The following LYZ variants were observed in gnomAD, a reference collection of about 807,000 sequenced individuals.
LYZ encodes lysozyme C.
In LYZ, 18 loss-of-function variants were observed where a neutral mutation model predicts 15.8. That is an observed-to-expected ratio of 1.14 (90% confidence interval 0.79 to 1.69). LYZ has a LOEUF of 1.69. Among genes scored for constraint, LYZ ranks in the 40% most tolerant of loss-of-function variants. The probability of loss-of-function intolerance (pLI) is 0.00; values close to 1 mark genes in which losing one functional copy is unlikely to be tolerated. For synonymous variants in LYZ, 60 were observed against 61.7 expected (o/e 0.97, Z 0.13); for missense variants, 139 against 182.8 (o/e 0.76, Z 1.38).
chr12:69,352,821 A>C (rs1349763436), intron 3 of LYZ, among the ~76,000 whole-genome samples: 1 of 152,154 alleles, frequency 6.6e-6, no homozygotes, highest in Non-Finnish European at 1.5e-5. Context: ...GTTGCAGAGG[A>C]TTGCGCCATT....
Position 69,352,209 on chromosome 12 carries a change from C to G in LYZ, c.302-11C>G. 2.5e-6 allele frequency: 4 copies of G among 1,602,562 alleles called. No homozygotes were observed. The Admixed American group carries it at 6.7e-5, about 27-fold the overall frequency. On this transcript the variant is annotated splice_polypyrimidine_tract_variant and intron_variant, in intron 2 of 3. Transcript: ENST00000261267. ...TATTAAAGTTTTTATTCCTTACCAC[C>G]TGTCTTTCAGCTTTGCTGCAAGATA...
At position 69,353,583 on chromosome 12, in the gene LYZ, G is replaced by A. The variant is rs574532858; in HGVS notation, c.*364G>A. 30 of 267,300 alleles carry A rather than the reference G, an allele frequency of 1.1e-4. No homozygotes were observed. Among genetic ancestry groups the A allele is most frequent in the South Asian group, 7.4e-4 (20 of 27,076 alleles). 16.6% of individuals were successfully genotyped at this position (267,300 alleles called of 1,614,324 possible). ...GGCTCACTGCAACCTCCACCTCCCG[G>A]GTTCACGCCATTCTCCTGCCTCAGC... On this transcript the variant is annotated 3_prime_UTR_variant, in exon 4 of 4. Coordinates refer to ENST00000261267, the MANE Select transcript of LYZ (RefSeq NM_000239.3).
At chr12:69,351,264 C>G (rs1296633378) in intron 2 of LYZ, among the ~76,000 whole-genome samples, 1 of 151,670 alleles carries the variant, frequency 6.6e-6, no homozygotes, top group African/African-American at 2.4e-5. Context: ...ATGTGGAATC[C>G]TCAGTGTCAA....
chr12:69,351,127 C>A (rs1458983492), intron 2 of LYZ, among the ~76,000 whole-genome samples: 2 of 151,938 alleles, frequency 1.3e-5, no homozygotes, highest in Non-Finnish European at 2.9e-5. Flanking sequence ...TTTCTAAATT[C>A]TTTAGTTTAC....
chr12:69,351,076 TGAGA>T (rs1292897283), intron 2 of LYZ, among the ~76,000 whole-genome samples: 1 of 152,166 alleles, frequency 6.6e-6, no homozygotes, highest in Non-Finnish European at 1.5e-5. Flanking sequence ...TGGCTACTGC[TGAGA>T]GACTTTTAAG....
chr12:69,350,691 C>T (rs1013971676), intron 2 of LYZ, among the ~76,000 whole-genome samples: 2 of 138,688 alleles, frequency 1.4e-5, no homozygotes, highest in African/African-American at 5.6e-5. Flanking sequence ...GCCCATTATG[C>T]ACTTTAAAAG....
In LYZ at chr12:69,350,219, G is replaced by A; in HGVS notation, c.248G>A (p.Cys83Tyr). The A allele has an allele frequency of 6.2e-7, 1 of 1,614,134 alleles. No homozygotes were observed. Among genetic ancestry groups the A allele is most frequent in the Non-Finnish European group, 8.5e-7 (1 of 1,180,002 alleles). ...GIFQINSRYW[C>Y]NDGKTPGAVN... ...TTTCAGATCAATAGCCGCTACTGGT[G>A]TAATGATGGCAAAACCCCAGGAGCA... Residue 83 changes from cysteine to tyrosine, a missense_variant, in exon 2 of 4, where the codon TGT becomes TAT. Transcript: ENST00000261267.
At position 69,348,436 on chromosome 12, in the gene LYZ, GTCC is replaced by G; in HGVS notation, c.33_35del (p.Leu12del). The G allele has an allele frequency of 3.7e-6, 6 of 1,614,184 alleles. No individual in the cohort carries two copies. The highest frequency in any genetic ancestry group is 2.2e-5 in the East Asian group (1 of 44,884). ...GAAGGCTCTCATTGTTCTGGGGCTTGTCCTCCTTTCTGTTACGGTCCAGGGCAA... is the reference window on the plus strand; with the variant it reads ...GAAGGCTCTCATTGTTCTGGGGCTTGTCCTTTCTGTTACGGTCCAGGGCAA... On this transcript the variant is annotated inframe_deletion, in exon 1 of 4. Coordinates refer to ENST00000261267, the MANE Select transcript of LYZ (RefSeq NM_000239.3).
chr12:69,350,788 GGTTTT>G (rs1191642310), intron 2 of LYZ, among the ~76,000 whole-genome samples: 1 of 21,594 alleles, frequency 4.6e-5, no homozygotes, highest in Non-Finnish European at 1.0e-4. Context: ...TTTTTTGTTT[GGTTTT>G]GTTTTGTTTT....
Position 69,350,220 on chromosome 12 carries a change from T to C in LYZ, c.249T>C (p.Cys83=). ...GIFQINSRYW[C]NDGKTPGAVN... ...TTCAGATCAATAGCCGCTACTGGTGTAATGATGGCAAAACCCCAGGAGCAG... is the reference window on the plus strand; with the variant it reads ...TTCAGATCAATAGCCGCTACTGGTGCAATGATGGCAAAACCCCAGGAGCAG... Residue 83 remains cysteine, a synonymous_variant, in exon 2 of 4, where the codon TGT becomes TGC. Transcript: ENST00000261267. 1.2e-6 allele frequency: 2 copies of C among 1,614,172 alleles called. No homozygotes were observed. Among genetic ancestry groups the C allele is most frequent in the South Asian group, 2.2e-5 (2 of 91,088 alleles).
chr12:69,350,121 C>G lies in LYZ; in HGVS notation c.150C>G (p.Ala50=). ...GISLANWMCL[A]KWESGYNTRA... ...AGTTCTTTTCAGGGATGTGTTTGGC[C>G]AAATGGGAGAGTGGTTACAACACAC... The change falls in exon 2 of 4, where the codon GCC becomes GCG. Residue 50 remains alanine, a synonymous_variant. Transcript: ENST00000261267. The G allele has an allele frequency of 1.2e-6, 2 of 1,613,936 alleles. No homozygotes were observed. The highest frequency in any genetic ancestry group is 4.5e-5 in the East Asian group (2 of 44,866).
chr12:69,353,519 C>T lies in LYZ; in HGVS notation c.*300C>T, dbSNP rs919388445. 1.2e-4 allele frequency: 18 copies of T among 149,796 alleles called. 1 individual carries two copies. In the African/African-American group the frequency reaches 2.6e-3, roughly 22 times the overall value. The allele number at this position is 149,796 out of a possible 1,614,324, so 9.3% of individuals were successfully genotyped here. A position where few individuals can be genotyped will look rare whatever the true frequency, so the allele number is the denominator to read the frequency against. On this transcript the variant is annotated 3_prime_UTR_variant, in exon 4 of 4. Coordinates refer to ENST00000261267, the MANE Select transcript of LYZ (RefSeq NM_000239.3). Reference sequence around the variant, plus strand: ...GTTCTTTTTTTTTTTGAGACAGTCTCGCTCTGTCGCCCAGGCTGGAGTGCA... The same window carrying T: ...GTTCTTTTTTTTTTTGAGACAGTCTTGCTCTGTCGCCCAGGCTGGAGTGCA...
Position 69,350,175 on chromosome 12 carries a change from A to G in LYZ, c.204A>G (p.Arg68=). 1 of 1,614,176 alleles carries G rather than the reference A, an allele frequency of 6.2e-7. No homozygotes were observed. Among genetic ancestry groups the G allele is most frequent in the East Asian group, 2.2e-5 (1 of 44,874 alleles). ...TRATNYNAGD[R]STDYGIFQIN... ...CTACAAACTACAATGCTGGAGACAG[A>G]AGCACTGATTATGGGATATTTCAGA... The change falls in exon 2 of 4, where the codon AGA becomes AGG. Residue 68 remains arginine, a synonymous_variant. Transcript: ENST00000261267.
At chr12:69,351,933 T>C (rs1874850994) in intron 2 of LYZ, among the ~76,000 whole-genome samples, 1 of 152,186 alleles carries the variant, frequency 6.6e-6, no homozygotes, top group South Asian at 2.1e-4. Flanking sequence ...CTGAGTAAAA[T>C]ATCACTAGGT....
rs1435903113 is a variant in LYZ, at chr12:69,353,577, C to T, written c.*358C>T. On this transcript the variant is annotated 3_prime_UTR_variant, in exon 4 of 4. Coordinates refer to ENST00000261267, the MANE Select transcript of LYZ (RefSeq NM_000239.3). The stretch of plus-strand genomic sequence containing the variant: ...AATCTCGGCTCACTGCAACCTCCAC[C>T]TCCCGGGTTCACGCCATTCTCCTGC... 3.5e-6 allele frequency: 1 copy of T among 283,240 alleles called. No homozygotes were observed. The highest frequency in any genetic ancestry group is 6.8e-6 in the Non-Finnish European group (1 of 146,508). 17.5% of individuals were successfully genotyped at this position (283,240 alleles called of 1,614,324 possible). A position where few individuals can be genotyped will look rare whatever the true frequency, so the allele number is the denominator to read the frequency against.
intron 2 of LYZ, 135 bp from the exon 3 acceptor site, chr12:69,352,084 CA>C: frequency 3.2e-6 from 2 of 617,330 alleles, no homozygotes; most frequent in Non-Finnish European, 5.7e-6. Context: ...TTTTCCCCAA[CA>C]ATTACACATA....
intron 3 of LYZ, among the ~76,000 whole-genome samples, chr12:69,352,918 G>C (rs1874872758): frequency 6.6e-6 from 1 of 152,128 alleles, no homozygotes; most frequent in Non-Finnish European, 1.5e-5. Context: ...AGTTGCTGCT[G>C]TACAACGCAC....
At chr12:69,352,125 A>G (rs1874855315) in intron 2 of LYZ, 95 bp from the exon 3 acceptor site, 1 of 783,408 alleles carries the variant, frequency 1.3e-6, no homozygotes, top group African/African-American at 1.7e-5. Context: ...ATATCTTACC[A>G]TTCTTTCCAC....
rs997971111 is a variant in LYZ, at chr12:69,353,589, C to T, written c.*370C>T. 11 of 261,998 alleles carry T rather than the reference C, an allele frequency of 4.2e-5. No homozygotes were observed. The highest frequency in any genetic ancestry group is 1.2e-4 in the South Asian group (3 of 24,848). The allele number at this position is 261,998 out of a possible 1,614,324, so 16.2% of individuals were successfully genotyped here. A position where few individuals can be genotyped will look rare whatever the true frequency, so the allele number is the denominator to read the frequency against. On this transcript the variant is annotated 3_prime_UTR_variant, in exon 4 of 4. Transcript: ENST00000261267. The stretch of plus-strand genomic sequence containing the variant: ...CTGCAACCTCCACCTCCCGGGTTCA[C>T]GCCATTCTCCTGCCTCAGCCTCCCG...
Sources: allele counts gnomAD v4.1 joint callset (sites outside exome capture counted in the v4.1 genomes callset), GRCh38; gene constraint gnomAD v4.1.1; transcripts MANE v1.5; gene names NCBI Gene and HGNC (gene_info 2026-07-23, HGNC 2026-07-21).